The following WDR76 variants were observed in gnomAD, a reference collection of about 807,000 sequenced individuals.
The protein encoded by WDR76 is WD repeat-containing protein 76.
Under a neutral mutation model 70.2 loss-of-function variants are expected in WDR76, and 52 were observed. That is an observed-to-expected ratio of 0.74 (90% CI 0.59 to 0.93). The LOEUF is 0.93. Among genes scored for constraint, WDR76 ranks in the 40% least tolerant of loss-of-function variants. WDR76 has a pLI of 0.00. For synonymous variants in WDR76, 292 were observed against 271.1 expected, an observed-to-expected ratio of 1.08 and a Z score of -0.76; for missense variants, 756 against 760.2, an observed-to-expected ratio of 0.99 and a Z score of 0.07.
intron 2 of WDR76, among the ~76,000 whole-genome samples, chr15:43,828,905 CTTTTT>C (rs11353535): frequency 2.3e-5 from 3 of 131,814 alleles, no homozygotes; most frequent in African/African-American, 8.6e-5. Context: ...TAATTTTTTT[CTTTTT>C]TTTTTTTTTG....
chr15:43,850,864 G>A (rs1251054751), intron 8 of WDR76, among the ~76,000 whole-genome samples: 1 of 152,094 alleles, frequency 6.6e-6, no homozygotes, highest in Non-Finnish European at 1.5e-5. Context: ...GCTGGTCACT[G>A]TTAATGTGAC....
At chr15:43,850,574 C>A (rs1346023512) in intron 8 of WDR76, among the ~76,000 whole-genome samples, 1 of 151,836 alleles carries the variant, frequency 6.6e-6, no homozygotes, top group Non-Finnish European at 1.5e-5. Context: ...GGATTACAGG[C>A]GTGAGCCACC....
At chr15:43,861,528 A>G in intron 12 of WDR76, 142 bp downstream of exon 12, 2 of 825,996 alleles carry the variant, frequency 2.4e-6, no homozygotes, top group Non-Finnish European at 3.8e-6. Context: ...CCAGTTTGCT[A>G]GTTCCTATCC....
chr15:43,836,908 G>A (rs1005488046), intron 4 of WDR76, among the ~76,000 whole-genome samples: 7 of 151,712 alleles, frequency 4.6e-5, no homozygotes, highest in East Asian at 3.9e-4. Context: ...GGGTGTGGTG[G>A]CACATGTCTG....
intron 2 of WDR76, among the ~76,000 whole-genome samples, chr15:43,828,714 T>C (rs1025953164): frequency 1.3e-5 from 2 of 152,184 alleles, no homozygotes; most frequent in Non-Finnish European, 2.9e-5. Context: ...AAGTCATCAG[T>C]TTGTGGGACA....
Position 43,866,667 on chromosome 15 carries a change from C to T in WDR76, c.*275C>T. The stretch of plus-strand genomic sequence containing the variant: ...TTGAGATGGAGTTTTGCTCTTGTTG[C>T]CCAGGCTGGAGTGCAATAGCGCGAT... On this transcript the variant is annotated 3_prime_UTR_variant, in exon 13 of 13. Coordinates refer to ENST00000263795, the MANE Select transcript of WDR76 (RefSeq NM_024908.4). 1 of 351,658 alleles carries T rather than the reference C, an allele frequency of 2.8e-6. No homozygotes were observed. The highest frequency in any genetic ancestry group is 5.2e-6 in the Non-Finnish European group (1 of 193,534). The allele number at this position is 351,658 out of a possible 1,614,324, so 21.8% of individuals were successfully genotyped here. A position where few individuals can be genotyped will look rare whatever the true frequency, so the allele number is the denominator to read the frequency against.
intron 2 of WDR76, among the ~76,000 whole-genome samples, chr15:43,829,276 C>T (rs1040558631): frequency 6.6e-6 from 1 of 151,932 alleles, no homozygotes; most frequent in Non-Finnish European, 1.5e-5. Context: ...TTTAACTGGA[C>T]AAGATAAAAC....
In WDR76 at chr15:43,843,966, C is replaced by T. The variant is rs1248631321; in HGVS notation, c.944C>T (p.Pro315Leu). Reference protein sequence around the residue: ...EDTVYKVTTGPIFSMALHPSE... With the variant: ...EDTVYKVTTGLIFSMALHPSE... ...ACCGTTTACAAAGTTACCACAGGCC[C>T]AATATTCTCTATGGCTCTCCATCCA... is the stretch of plus-strand genomic sequence containing the variant. The change falls in exon 8 of 13, where the codon CCA (proline) becomes CTA (leucine). Residue 315 changes from proline to leucine, a missense_variant. Pro to Leu is a moderately conservative substitution (Grantham distance 98, BLOSUM62 -3). Transcript: ENST00000263795. 4 of 1,613,022 alleles carry T rather than the reference C, an allele frequency of 2.5e-6. No individual in the cohort carries two copies. The highest frequency in any genetic ancestry group is 3.3e-5 in the Admixed American group (2 of 59,906).
chr15:43,845,318 A>G (rs573270217), intron 8 of WDR76, among the ~76,000 whole-genome samples: 13 of 150,238 alleles, frequency 8.7e-5, no homozygotes, highest in African/African-American at 2.9e-4. Context: ...TCTTCCCCAA[A>G]ATTCATATGT....
intron 10 of WDR76, among the ~76,000 whole-genome samples, chr15:43,858,245 T>G (rs1212155405): frequency 5.9e-5 from 6 of 101,116 alleles, no homozygotes; most frequent in Non-Finnish European, 3.6e-5. Context: ...AGAGTTCTGT[T>G]TTTTTTTTTT....
At chr15:43,854,293 G>A (rs927364185) in intron 9 of WDR76, among the ~76,000 whole-genome samples, 11 of 152,148 alleles carry the variant, frequency 7.2e-5, no homozygotes, top group Non-Finnish European at 1.5e-4. Context: ...GAATAGGTTG[G>A]GCATGGTAGC....
At chr15:43,852,556 G>A (rs1211822124) in intron 9 of WDR76, among the ~76,000 whole-genome samples, 1 of 152,116 alleles carries the variant, frequency 6.6e-6, no homozygotes. Context: ...ATTTTTAGTA[G>A]GGACGGGGTT....
chr15:43,828,403 T>G, intron 2 of WDR76, 37 bp downstream of exon 2: 1 of 1,539,258 alleles, frequency 6.5e-7, no homozygotes, highest in Non-Finnish European at 8.7e-7. Flanking sequence ...TGGTTTCTCT[T>G]TTTTGAAATT....
Position 43,839,638 on chromosome 15 carries a change from T to C in WDR76, c.642T>C (p.Cys214=), listed in dbSNP as rs2087698389. The C allele has an allele frequency of 6.2e-7, 1 of 1,612,558 alleles. No homozygotes were observed. Among genetic ancestry groups the C allele is most frequent in the Admixed American group, 1.7e-5 (1 of 59,888 alleles). ...KKPKRENGIG[C]RRSMRLLKVD... ...CTAAGAGAGAAAATGGGATTGGATG[T>C]AGAAGGTCAATGCGATTACTAAAAG... Residue 214 remains cysteine, a synonymous_variant, in exon 5 of 13, where the codon TGT becomes TGC. Transcript: ENST00000263795.
chr15:43,844,116 A>G (rs2087758076), intron 8 of WDR76, 62 bp downstream of exon 8: 2 of 1,526,942 alleles, frequency 1.3e-6, no homozygotes, highest in South Asian at 2.4e-5. Flanking sequence ...CTGGAAGAGA[A>G]TAGGCTAGAG....
intron 8 of WDR76, among the ~76,000 whole-genome samples, chr15:43,848,594 AGT>A (rs564669297): frequency 6.9e-4 from 105 of 152,266 alleles, no homozygotes; most frequent in Non-Finnish European, 1.2e-3. Context: ...GGCCCACGGG[AGT>A]GGTAACACCC....
chr15:43,857,246 A>G (rs1211307155), intron 10 of WDR76, 83 bp downstream of exon 10: 1 of 1,314,234 alleles, frequency 7.6e-7, no homozygotes, highest in African/African-American at 1.5e-5. Context: ...AGATATTGTA[A>G]TACAATATTA....
chr15:43,828,377 A>T lies in WDR76; in HGVS notation c.462+11A>T. On this transcript the variant is annotated intron_variant, in intron 2 of 12. Transcript: ENST00000263795. ...ACCACACCATCCCTGGTAAGAACTT[A>T]ATTAGTAGCTTGTTCTGGTTTCTCT... is the stretch of plus-strand genomic sequence containing the variant. 6.4e-7 allele frequency: 1 copy of T among 1,574,644 alleles called. No individual in the cohort carries two copies. The highest frequency in any genetic ancestry group is 8.6e-7 in the Non-Finnish European group (1 of 1,164,160).
At position 43,861,346 on chromosome 15, in the gene WDR76, A is replaced by G. The variant is rs373881361; in HGVS notation, c.1576A>G (p.Ser526Gly). The change falls in exon 12 of 13, where the codon AGC (serine) becomes GGC (glycine). Residue 526 changes from serine (S) to glycine (G), a missense_variant. Physicochemically the swap from Ser to Gly is moderately conservative, Grantham distance 56 (BLOSUM62 0). Transcript: ENST00000263795. ...TTTATTTTGCAGAATTTTTGACAGC[A>G]GCTGTATATCTTCTAAGATTCCGCT... Reference protein sequence around the residue: ...ADCNLRIFDSSCISSKIPLLT... With the variant: ...ADCNLRIFDSGCISSKIPLLT... 1.2e-5 allele frequency: 20 copies of G among 1,613,904 alleles called. No individual in the cohort carries two copies. The highest frequency in any genetic ancestry group is 1.4e-5 in the Non-Finnish European group (16 of 1,179,976).
Sources: allele counts gnomAD v4.1 joint callset (sites outside exome capture counted in the v4.1 genomes callset), GRCh38; gene constraint gnomAD v4.1.1; transcripts MANE v1.5; gene names NCBI Gene and HGNC (gene_info 2026-07-23, HGNC 2026-07-21).